The following DNAJC1 variants were observed in gnomAD, a reference collection of about 807,000 sequenced individuals.
DNAJC1 encodes dnaJ homolog subfamily C member 1.
Under a neutral mutation model 76.6 loss-of-function variants are expected in DNAJC1, and 58 were observed. That is an observed-to-expected ratio of 0.76 (90% confidence interval 0.61 to 0.94). The LOEUF is 0.94. Among genes scored for constraint, DNAJC1 ranks in the 40% least tolerant of loss-of-function variants. The pLI, the probability that DNAJC1 is intolerant of heterozygous loss-of-function variation, is 0.00. For missense variants in DNAJC1, 689 were observed against 677.3 expected (o/e 1.02, Z -0.19); for synonymous variants, 258 against 267.9 (o/e 0.96, Z 0.36).
chr10:21,808,626 T>C (rs774221122), intron 8 of DNAJC1, among the ~76,000 whole-genome samples: 12 of 152,192 alleles, frequency 7.9e-5, no homozygotes, highest in Non-Finnish European at 1.3e-4. Flanking sequence ...CAATAGTTAG[T>C]TGTGTCTTTA....
chr10:21,773,067 C>T (rs998941105), intron 9 of DNAJC1, among the ~76,000 whole-genome samples: 2 of 152,278 alleles, frequency 1.3e-5, no homozygotes, highest in East Asian at 1.9e-4. Flanking sequence ...TCACCTCCCA[C>T]AAGGACCCAC....
At chr10:21,849,865 A>G (rs962560920) in intron 8 of DNAJC1, among the ~76,000 whole-genome samples, 1 of 152,146 alleles carries the variant, frequency 6.6e-6, no homozygotes, top group African/African-American at 2.4e-5. Context: ...GGAAAAAAAA[A>G]CCACACATGA....
intron 9 of DNAJC1, among the ~76,000 whole-genome samples, chr10:21,779,059 C>G (rs1454998556): frequency 6.6e-6 from 1 of 152,176 alleles, no homozygotes; most frequent in Non-Finnish European, 1.5e-5. Flanking sequence ...GGGGCGCCTG[C>G]CATTGCTGAG....
chr10:21,968,656 A>G (rs1837928239), intron 1 of DNAJC1, among the ~76,000 whole-genome samples: 1 of 151,936 alleles, frequency 6.6e-6, no homozygotes, highest in African/African-American at 2.4e-5. Flanking sequence ...GACTACAAGC[A>G]TCCGCCACCA....
rs540263681 is a variant in DNAJC1, at chr10:21,854,606, T to C, written c.978+27676A>G. ...GAAGTAGTATTCACCTAATCAGTAA[T>C]GTGATGTCTGATTGGAAGAAGTAGC... On this transcript the variant is annotated intron_variant, in intron 8 of 11. Coordinates refer to ENST00000376980, the MANE Select transcript of DNAJC1 (RefSeq NM_022365.4). 1.3e-4 allele frequency among the ~76,000 whole-genome samples: 20 copies of C among 152,178 alleles called. No homozygotes were observed. In the South Asian group the frequency reaches 3.1e-3, roughly 24 times the overall value.
chr10:21,937,572 T>A (rs936119627), intron 1 of DNAJC1, among the ~76,000 whole-genome samples: 1 of 151,974 alleles, frequency 6.6e-6, no homozygotes, highest in African/African-American at 2.4e-5. Context: ...GAAAGAACAG[T>A]AAGAAAACAG....
intron 7 of DNAJC1, among the ~76,000 whole-genome samples, chr10:21,892,368 C>A (rs1836475039): frequency 6.6e-6 from 1 of 151,684 alleles, no homozygotes; most frequent in South Asian, 2.1e-4. Context: ...CACACACACA[C>A]ACACACACAC....
intron 8 of DNAJC1, among the ~76,000 whole-genome samples, chr10:21,821,933 T>C (rs1332376692): frequency 6.6e-6 from 1 of 152,080 alleles, no homozygotes; most frequent in African/African-American, 2.4e-5. Context: ...ATAGTGGAAC[T>C]TAGAAACCTG....
At chr10:21,823,124 A>C (rs1450052052) in intron 8 of DNAJC1, among the ~76,000 whole-genome samples, 5 of 152,154 alleles carry the variant, frequency 3.3e-5, no homozygotes, top group African/African-American at 1.2e-4. Flanking sequence ...GTCTTTATTA[A>C]TCTCTGCCAC....
chr10:21,995,679 T>A (rs1335451663), intron 1 of DNAJC1, among the ~76,000 whole-genome samples: 1 of 152,234 alleles, frequency 6.6e-6, no homozygotes, highest in Non-Finnish European at 1.5e-5. Flanking sequence ...TAATGAAGTA[T>A]ACTGTTTTAT....
chr10:21,778,194 A>G (rs1370138841), intron 9 of DNAJC1, among the ~76,000 whole-genome samples: 1 of 152,150 alleles, frequency 6.6e-6, no homozygotes, highest in African/African-American at 2.4e-5. Context: ...ACTTCATCTC[A>G]AAAAAGAAAA....
chr10:21,827,989 C>T (rs1352780753), intron 8 of DNAJC1, among the ~76,000 whole-genome samples: 1 of 152,158 alleles, frequency 6.6e-6, no homozygotes, highest in African/African-American at 2.4e-5. Context: ...TGGGCATCTT[C>T]AACTTTACAA....
chr10:21,983,154 C>CAAA (rs1290643690), intron 1 of DNAJC1, among the ~76,000 whole-genome samples: 8 of 152,182 alleles, frequency 5.3e-5, no homozygotes, highest in African/African-American at 1.9e-4. Flanking sequence ...CAAACAGATA[C>CAAA]TTGTATACCA....
intron 8 of DNAJC1, among the ~76,000 whole-genome samples, chr10:21,852,304 G>C (rs1319377302): frequency 6.6e-6 from 1 of 152,112 alleles, no homozygotes. Flanking sequence ...ACTGGTGGTT[G>C]TCACGGGCTG....
At chr10:21,810,490 C>CA (rs1359706976) in intron 8 of DNAJC1, among the ~76,000 whole-genome samples, 1 of 152,198 alleles carries the variant, frequency 6.6e-6, no homozygotes, top group Admixed American at 6.5e-5. Context: ...ATGGTCATCA[C>CA]ACCCATTGTT....
At chr10:21,923,662 TAATC>T (rs749698821) in intron 3 of DNAJC1, among the ~76,000 whole-genome samples, 166 of 152,024 alleles carry the variant, frequency 1.1e-3, no homozygotes, top group Non-Finnish European at 2.0e-3. Context: ...ATGAAAACAT[TAATC>T]AATTCCACAT....
chr10:21,997,572 C>A (rs1564849013), intron 1 of DNAJC1, among the ~76,000 whole-genome samples: 1 of 152,126 alleles, frequency 6.6e-6, no homozygotes, highest in Non-Finnish European at 1.5e-5. Context: ...ACTCACACCG[C>A]CATGGTAAGA....
At chr10:21,990,183 T>G (rs1838305103) in intron 1 of DNAJC1, among the ~76,000 whole-genome samples, 1 of 152,208 alleles carries the variant, frequency 6.6e-6, no homozygotes, top group South Asian at 2.1e-4. Context: ...TCATCTTATT[T>G]TTCAATCTTC....
intron 8 of DNAJC1, among the ~76,000 whole-genome samples, chr10:21,806,890 G>A (rs1009308429): frequency 2.0e-5 from 3 of 152,092 alleles, no homozygotes; most frequent in African/African-American, 7.2e-5. Flanking sequence ...ACACGCATAT[G>A]CAAAAAGTCT....
Sources: gnomAD v4.1 joint callset for allele counts (sites outside exome capture counted in the v4.1 genomes callset) on GRCh38, gnomAD v4.1.1 for gene constraint, MANE v1.5 for transcripts, NCBI Gene and HGNC (gene_info 2026-07-23, HGNC 2026-07-21) for gene names.